BMAL2: variants seen among roughly 807,000 people sequenced by gnomAD.
The protein encoded by BMAL2 is basic helix-loop-helix ARNT like 2, also known as basic helix-loop-helix ARNT-like protein 2.
chr12:27,348,592 T>A, the BMAL2 span, among the ~76,000 whole-genome samples: 1 of 152,154 alleles, frequency 6.6e-6, no homozygotes, highest in East Asian at 1.9e-4. Context: ...ACTTTTCACC[T>A]ATATATATAT....
chr12:27,401,220 C>A, the BMAL2 span: 1 of 1,503,962 alleles, frequency 6.6e-7, no homozygotes, highest in Non-Finnish European at 9.3e-7. Flanking sequence ...GGAGTACACT[C>A]ACCACTTCTG....
At chr12:27,360,814 A>AAAAAAAAAAAAAAAAAAC in the BMAL2 span, among the ~76,000 whole-genome samples, 1 of 149,092 alleles carries the variant, frequency 6.7e-6, no homozygotes, top group Non-Finnish European at 1.5e-5. Flanking sequence ...AAAAAAAAAA[A>AAAAAAAAAAAAAAAAAAC]AAAAAAAAAA....
the BMAL2 span, among the ~76,000 whole-genome samples, chr12:27,387,003 T>C: frequency 6.6e-6 from 1 of 152,232 alleles, no homozygotes; most frequent in African/African-American, 2.4e-5. Flanking sequence ...GCCAAACTTT[T>C]CATGTCCAAA....
chr12:27,341,662 C>T, the BMAL2 span, among the ~76,000 whole-genome samples: 1 of 152,206 alleles, frequency 6.6e-6, no homozygotes, highest in Non-Finnish European at 1.5e-5. Flanking sequence ...GTTCTACCAT[C>T]CCCATCACTC....
At chr12:27,403,612 C>T in the BMAL2 span, 3 of 909,684 alleles carry the variant, frequency 3.3e-6, no homozygotes, top group Non-Finnish European at 5.0e-6. Context: ...ATACAAAAAT[C>T]AGTAGCCTTC....
At chr12:27,405,927 A>C in the BMAL2 span, among the ~76,000 whole-genome samples, 2 of 152,240 alleles carry the variant, frequency 1.3e-5, no homozygotes, top group African/African-American at 4.8e-5. Flanking sequence ...AAACAACGGC[A>C]TGAGAACTAC....
the BMAL2 span, chr12:27,333,074 T>C: frequency 8.3e-7 from 1 of 1,204,000 alleles, no homozygotes; most frequent in Non-Finnish European, 1.0e-6. Flanking sequence ...GCTCCTGCGA[T>C]GGCGGCGGAA....
At chr12:27,389,347 C>G in the BMAL2 span, 2 of 1,265,482 alleles carry the variant, frequency 1.6e-6, no homozygotes. Flanking sequence ...GTAATGATCA[C>G]CTAAAAGTTT....
chr12:27,370,766 C>T, the BMAL2 span, among the ~76,000 whole-genome samples: 1 of 152,076 alleles, frequency 6.6e-6, no homozygotes, highest in African/African-American at 2.4e-5. Flanking sequence ...CCGACACACC[C>T]GGCTAATTTT....
chr12:27,418,604 GA>G, the BMAL2 span, among the ~76,000 whole-genome samples: 2,655 of 146,154 alleles, frequency 0.018, 84 homozygotes, highest in African/African-American at 0.061. Context: ...GACCTTGTCT[GA>G]AAAAAAAAAG....
At chr12:27,363,533 C>A in the BMAL2 span, among the ~76,000 whole-genome samples, 1 of 152,168 alleles carries the variant, frequency 6.6e-6, no homozygotes, top group African/African-American at 2.4e-5. Flanking sequence ...TATATCACTA[C>A]AGTTTCCTTA....
At chr12:27,369,272 T>C in the BMAL2 span, among the ~76,000 whole-genome samples, 1 of 150,880 alleles carries the variant, frequency 6.6e-6, no homozygotes, top group Non-Finnish European at 1.5e-5. Context: ...TAATAAAACA[T>C]CCTAGCTCTT....
the BMAL2 span, among the ~76,000 whole-genome samples, chr12:27,343,369 C>G: frequency 6.6e-6 from 1 of 152,126 alleles, no homozygotes; most frequent in African/African-American, 2.4e-5. Context: ...ATTTTTTCCC[C>G]AAAGTTAAAC....
chr12:27,377,082 CAAT>C, the BMAL2 span, among the ~76,000 whole-genome samples: 1 of 146,686 alleles, frequency 6.8e-6, no homozygotes, highest in Non-Finnish European at 1.5e-5. Flanking sequence ...TCAACAACAA[CAAT>C]AAAATATTTT....
chr12:27,334,895 A>G, the BMAL2 span, among the ~76,000 whole-genome samples: 5 of 152,194 alleles, frequency 3.3e-5, no homozygotes, highest in Non-Finnish European at 5.9e-5. Flanking sequence ...CAGATGAGAA[A>G]ACTGAGGCTG....
chr12:27,381,604 C>T, the BMAL2 span, among the ~76,000 whole-genome samples: 1 of 152,188 alleles, frequency 6.6e-6, no homozygotes, highest in Non-Finnish European at 1.5e-5. Context: ...CACCAGGCCC[C>T]ACCTCCAGCA....
the BMAL2 span, among the ~76,000 whole-genome samples, chr12:27,412,857 AAAG>A: frequency 6.6e-6 from 1 of 152,166 alleles, no homozygotes; most frequent in Admixed American, 6.5e-5. Flanking sequence ...CTCAAAAGTC[AAAG>A]AAGGAGAGGA....
the BMAL2 span, among the ~76,000 whole-genome samples, chr12:27,408,686 G>C: frequency 1.2e-4 from 19 of 152,194 alleles, no homozygotes; most frequent in Admixed American, 4.6e-4. Flanking sequence ...ACTGGCACAA[G>C]ACAGGGATGC....
At chr12:27,376,347 G>C in the BMAL2 span, 52 of 1,613,418 alleles carry the variant, frequency 3.2e-5, no homozygotes, top group South Asian at 5.4e-4. Context: ...TTTTTGTAGA[G>C]TGGAAGATGG....
Sources: gnomAD v4.1 joint callset for allele counts (sites outside exome capture counted in the v4.1 genomes callset) on GRCh38, gnomAD v4.1.1 for gene constraint, MANE v1.5 for transcripts, NCBI Gene and HGNC (gene_info 2026-07-23, HGNC 2026-07-21) for gene names.